PTK2: variants seen among roughly 807,000 people sequenced by gnomAD.
The protein encoded by PTK2 is focal adhesion kinase 1.
A neutral mutation model predicts 150.1 loss-of-function variants in PTK2; 45 were observed. The ratio of observed to expected loss-of-function variants is 0.30; its 90% CI spans 0.24 to 0.38. PTK2 has a LOEUF of 0.38. Ranked by LOEUF, PTK2 falls within the 10% of genes least tolerant of loss-of-function variation. The pLI is 1.00. For missense variants in PTK2, 919 were observed against 1,307.3 expected (o/e 0.70, Z 4.58); for synonymous variants, 432 against 449.2 (o/e 0.96, Z 0.48).
Position 140,959,690 on chromosome 8 carries a change from T to C in PTK2, c.-121-33941A>G, listed in dbSNP as rs116349342. Reference sequence around the variant, plus strand: ...AAGGGATAAAGAAGGCCTAAATGGATCTTTTACAATCTTACCTGTGGCCCA... The same window carrying C: ...AAGGGATAAAGAAGGCCTAAATGGACCTTTTACAATCTTACCTGTGGCCCA... On this transcript the variant is annotated intron_variant, in intron 1 of 31. Transcript: ENST00000522684. 5.1e-3 allele frequency among the ~76,000 whole-genome samples: 782 copies of C among 152,092 alleles called. 8 individuals are homozygous for C. Among genetic ancestry groups the C allele is most frequent in the African/African-American group, 0.017 (722 of 41,476 alleles).
At chr8:140,661,260 T>C (rs1432651187) in intron 31 of PTK2, among the ~76,000 whole-genome samples, 2 of 152,054 alleles carry the variant, frequency 1.3e-5, no homozygotes, top group Non-Finnish European at 2.9e-5. Context: ...TTGGCGGCAA[T>C]GTGGAGGCTG....
intron 27 of PTK2, among the ~76,000 whole-genome samples, chr8:140,677,564 G>C (rs1012180057): frequency 6.6e-6 from 1 of 152,176 alleles, no homozygotes; most frequent in Non-Finnish European, 1.5e-5. Flanking sequence ...CTGGCTAATA[G>C]ATATAACCTA....
At chr8:140,664,890 G>C in intron 31 of PTK2, 27 bp downstream of exon 35, 1 of 1,605,380 alleles carries the variant, frequency 6.2e-7, no homozygotes, top group Non-Finnish European at 8.5e-7. Context: ...TGTCACAGAG[G>C]GCTGCAAGGG....
At chr8:140,681,360 A>G (rs2100016793) in intron 27 of PTK2, among the ~76,000 whole-genome samples, 1 of 151,758 alleles carries the variant, frequency 6.6e-6, no homozygotes, top group Non-Finnish European at 1.5e-5. Context: ...CTCAAAAAAA[A>G]AAAAAAGATC....
At chr8:140,996,083 A>G (rs1437737821) in intron 1 of PTK2, among the ~76,000 whole-genome samples, 1 of 151,862 alleles carries the variant, frequency 6.6e-6, no homozygotes, top group African/African-American at 2.4e-5. Flanking sequence ...TTAAAACAAA[A>G]CAAAACAAAA....
At chr8:140,700,487 G>GC (rs1211820051) in intron 26 of PTK2, among the ~76,000 whole-genome samples, 2 of 140,340 alleles carry the variant, frequency 1.4e-5, no homozygotes, top group East Asian at 2.0e-4. Flanking sequence ...ATTTCAAGTA[G>GC]TTTTTTTTTT....
At chr8:140,686,551 T>C in intron 27 of PTK2, 81 bp downstream of exon 30, 1 of 1,075,310 alleles carries the variant, frequency 9.3e-7, no homozygotes, top group African/African-American at 1.6e-5. Context: ...ATTAGTAAAC[T>C]TGGATATATT....
At chr8:140,900,887 G>A (rs1034915158) in intron 2 of PTK2, among the ~76,000 whole-genome samples, 24 of 145,832 alleles carry the variant, frequency 1.6e-4, no homozygotes, top group African/African-American at 4.4e-4. Context: ...GACATTCTTC[G>A]CAGAAATAGG....
exon 32 of PTK2, chr8:140,659,648 C>A: frequency 6.2e-7 from 1 of 1,614,122 alleles, no homozygotes; most frequent in South Asian, 1.1e-5. Context: ...TCACCCAGGT[C>A]AGAGTTCAAT....
At chr8:140,891,133 T>G (rs2100154118) in intron 2 of PTK2, among the ~76,000 whole-genome samples, 1 of 151,062 alleles carries the variant, frequency 6.6e-6, no homozygotes, top group South Asian at 2.1e-4. Flanking sequence ...GTTAATTTGC[T>G]CCCTGCTTTT....
chr8:140,918,599 C>T lies in PTK2; in HGVS notation c.-33+7062G>A, dbSNP rs1056726938. On this transcript the variant is annotated intron_variant, in intron 2 of 31. Coordinates refer to ENST00000522684, the Ensembl canonical transcript of PTK2. Reference sequence around the variant, plus strand: ...TAAGGTGGATTCTTTACACCAAATTCAACCGCACAGTGAGCTTGGTTCAAA... The same window carrying T: ...TAAGGTGGATTCTTTACACCAAATTTAACCGCACAGTGAGCTTGGTTCAAA... Among the ~76,000 whole-genome samples the T allele has an allele frequency of 3.3e-5, 5 of 152,282 alleles. No homozygotes were observed. In the East Asian group the frequency reaches 9.7e-4, roughly 29 times the overall value.
At chr8:140,855,930 T>C (rs1019584804) in intron 5 of PTK2, among the ~76,000 whole-genome samples, 3 of 152,146 alleles carry the variant, frequency 2.0e-5, no homozygotes, top group African/African-American at 4.8e-5. Context: ...GTAAATTTTA[T>C]GATGGTAAGT....
At chr8:140,901,825 A>G (rs537861534) in intron 2 of PTK2, among the ~76,000 whole-genome samples, 37 of 152,100 alleles carry the variant, frequency 2.4e-4, no homozygotes, top group African/African-American at 8.9e-4. Context: ...ATCCTGCGAC[A>G]GGCCCCGGTG....
intron 14 of PTK2, among the ~76,000 whole-genome samples, chr8:140,782,239 GGTT>G (rs1802907527): frequency 7.6e-6 from 1 of 131,534 alleles, no homozygotes. Flanking sequence ...TTTAAAATTT[GGTT>G]GTTTTTTTTT....
At chr8:140,820,076 G>GTTTTTTTTTTTGTTT (rs2100107290) in intron 8 of PTK2, among the ~76,000 whole-genome samples, 1 of 50,194 alleles carries the variant, frequency 2.0e-5, no homozygotes, top group Non-Finnish European at 4.2e-5. Context: ...TCTGACTTTG[G>GTTTTTTTTTTTGTTT]TTTTTTTTTT....
intron 23 of PTK2, among the ~76,000 whole-genome samples, chr8:140,710,945 T>C (rs1313895654): frequency 6.6e-6 from 1 of 152,114 alleles, no homozygotes; most frequent in Non-Finnish European, 1.5e-5. Flanking sequence ...GCGGGACTTC[T>C]TTCTTTTGTT....
rs1555522723 is a variant in PTK2, at chr8:141,000,126, C to CACACACACA, written c.-122+998_-122+999insTGTGTGTGT. On this transcript the variant is annotated intron_variant, in intron 1 of 31. Coordinates refer to ENST00000522684, the Ensembl canonical transcript of PTK2. ...ACACACACACACACACACACACACA[C>CACACACACA]CCCTTCTTCTAAGAAAGAACAGGAT... is the stretch of plus-strand genomic sequence containing the variant. Among the ~76,000 whole-genome samples the CACACACACA allele has an allele frequency of 1.5e-4, 21 of 142,622 alleles. 1 individual carries two copies. Among genetic ancestry groups the CACACACACA allele is most frequent in the African/African-American group, 3.4e-4 (13 of 38,624 alleles). The allele number at this position is 142,622 out of a possible 152,430, so 93.6% of individuals were successfully genotyped here. A position where few individuals can be genotyped will look rare whatever the true frequency, so the allele number is the denominator to read the frequency against.
intron 22 of PTK2, among the ~76,000 whole-genome samples, chr8:140,731,605 A>G (rs533176635): frequency 6.6e-6 from 1 of 152,270 alleles, no homozygotes; most frequent in Admixed American, 6.5e-5. Flanking sequence ...TCAAAAACAA[A>G]TATACAAGGC....
At chr8:140,707,377 G>A (rs2100034412) in intron 23 of PTK2, among the ~76,000 whole-genome samples, 1 of 152,262 alleles carries the variant, frequency 6.6e-6, no homozygotes, top group African/African-American at 2.4e-5. Context: ...TGTGGCGATG[G>A]TTGCACAACT....
Sources: allele counts gnomAD v4.1 joint callset (sites outside exome capture counted in the v4.1 genomes callset), GRCh38; gene constraint gnomAD v4.1.1; transcripts MANE v1.5; gene names NCBI Gene and HGNC (gene_info 2026-07-23, HGNC 2026-07-21).